The following MERTK variants were observed in gnomAD, a reference collection of about 807,000 sequenced individuals.
MERTK encodes the protein tyrosine-protein kinase Mer.
A neutral mutation model predicts 99.3 loss-of-function variants in MERTK; 69 were observed. The observed-to-expected ratio is 0.70, with a 90% confidence interval of 0.57 to 0.85. MERTK has a LOEUF of 0.85. Ranked by LOEUF, MERTK falls within the 40% of genes least tolerant of loss-of-function variation. The pLI is 0.00. For synonymous variants in MERTK, 426 were observed against 467.6 expected (o/e 0.91, Z 1.15); for missense variants, 1,125 against 1,249.4 (o/e 0.90, Z 1.50).
At chr2:111,959,557 T>C (rs1286140013) in intron 4 of MERTK, among the ~76,000 whole-genome samples, 1 of 152,112 alleles carries the variant, frequency 6.6e-6, no homozygotes, top group Admixed American at 6.5e-5. Context: ...CACTGTAGCC[T>C]CAACCTCCTA....
At chr2:111,965,161 G>C (rs1256737775) in intron 4 of MERTK, 30 bp from the exon 5 acceptor site, 1 of 1,594,966 alleles carries the variant, frequency 6.3e-7, no homozygotes, top group Non-Finnish European at 8.6e-7. Context: ...TTTCTCTGCT[G>C]CTGGTCTCAT....
intron 6 of MERTK, among the ~76,000 whole-genome samples, chr2:111,974,536 A>G (rs1490987269): frequency 6.6e-6 from 1 of 152,134 alleles, no homozygotes; most frequent in Non-Finnish European, 1.5e-5. Flanking sequence ...TTGGAAGTCC[A>G]AGGCAGGTGG....
chr2:111,929,931 A>G (rs1684640607), intron 2 of MERTK, among the ~76,000 whole-genome samples: 1 of 152,102 alleles, frequency 6.6e-6, no homozygotes, highest in South Asian at 2.1e-4. Flanking sequence ...TCATTATGCT[A>G]ATGCTGCCTC....
At chr2:112,000,504 G>C (rs1043150337) in intron 10 of MERTK, among the ~76,000 whole-genome samples, 1 of 152,158 alleles carries the variant, frequency 6.6e-6, no homozygotes, top group Non-Finnish European at 1.5e-5. Flanking sequence ...TGTTTTGTAG[G>C]ATGCCCCTCT....
chr2:112,008,581 C>T, intron 14 of MERTK, 106 bp downstream of exon 14: 1 of 837,882 alleles, frequency 1.2e-6, no homozygotes, highest in Non-Finnish European at 2.1e-6. Flanking sequence ...TTCGTATAAC[C>T]CCAACATAAC....
Position 111,929,124 on chromosome 2 carries a change from C to T in MERTK, c.66C>T (p.Ile22=). 6.2e-7 allele frequency: 1 copy of T among 1,614,192 alleles called. No individual in the cohort carries two copies. The highest frequency in any genetic ancestry group is 8.5e-7 in the Non-Finnish European group (1 of 1,180,032). Residue 22 remains isoleucine (I), a synonymous_variant, in exon 2 of 19, where the codon ATC becomes ATT. Coordinates refer to ENST00000295408, the MANE Select transcript of MERTK (RefSeq NM_006343.3). ...LFLPALWRRA[I]TEAREEAKPY... is the part of the protein sequence containing the mutation. ...TTTGGATGTTCTGTTTTACAGCTAT[C>T]ACTGAGGCAAGGGAAGAAGCCAAGC...
chr2:111,905,433 CTTTT>C (rs61232340), intron 1 of MERTK, among the ~76,000 whole-genome samples: 1 of 85,276 alleles, frequency 1.2e-5, no homozygotes. Flanking sequence ...CTACACTGTT[CTTTT>C]TTTTTTTTTT....
intron 9 of MERTK, among the ~76,000 whole-genome samples, chr2:111,995,766 A>G (rs780425382): frequency 6.1e-4 from 93 of 152,242 alleles, no homozygotes; most frequent in Admixed American, 1.8e-3. Flanking sequence ...CCTAGCCAAC[A>G]TGGTGAAACC....
chr2:111,920,120 G>A (rs1684427177), intron 1 of MERTK, among the ~76,000 whole-genome samples: 1 of 152,174 alleles, frequency 6.6e-6, no homozygotes, highest in South Asian at 2.1e-4. Context: ...TAAATCCGGG[G>A]TGTTCCCATA....
intron 2 of MERTK, among the ~76,000 whole-genome samples, chr2:111,944,303 CAAAAAAAA>C (rs776451722): frequency 4.4e-5 from 3 of 68,082 alleles, no homozygotes; most frequent in African/African-American, 1.6e-4. Context: ...GAATCTGTCT[CAAAAAAAA>C]AAAAAAAAAA....
At chr2:111,917,078 G>C (rs1684364735) in intron 1 of MERTK, among the ~76,000 whole-genome samples, 1 of 152,184 alleles carries the variant, frequency 6.6e-6, no homozygotes, top group Non-Finnish European at 1.5e-5. Flanking sequence ...AGAGTAGGGG[G>C]AAGGATGGCC....
chr2:111,914,834 A>G (rs1684320702), intron 1 of MERTK, among the ~76,000 whole-genome samples: 1 of 152,116 alleles, frequency 6.6e-6, no homozygotes, highest in African/African-American at 2.4e-5. Context: ...GTTTATATTC[A>G]TGAAGAATGT....
intron 18 of MERTK, among the ~76,000 whole-genome samples, chr2:112,025,841 C>T (rs1677450137): frequency 6.6e-6 from 1 of 152,176 alleles, no homozygotes; most frequent in Non-Finnish European, 1.5e-5. Context: ...CCAGTGCGTA[C>T]AGCTCAGTGG....
At position 111,921,154 on chromosome 2, in the gene MERTK, TG is replaced by T. The variant is rs556011991; in HGVS notation, c.62-7961del. Among the ~76,000 whole-genome samples, 22 of 151,776 alleles carry T rather than the reference TG, an allele frequency of 1.4e-4. No individual in the cohort carries two copies. In the South Asian group the frequency reaches 4.6e-3, roughly 32 times the overall value. ...TGGTGTGTGCACACAGAATGTGGGGTGGGGGCACTGGTCTAGGTTCTGCGTT... is the reference window on the plus strand; with the variant it reads ...TGGTGTGTGCACACAGAATGTGGGGTGGGGCACTGGTCTAGGTTCTGCGTT... On this transcript the variant is annotated intron_variant, in intron 1 of 18. Coordinates refer to ENST00000295408, the MANE Select transcript of MERTK (RefSeq NM_006343.3).
intron 1 of MERTK, among the ~76,000 whole-genome samples, chr2:111,914,665 ATT>A (rs1684317020): frequency 6.6e-6 from 1 of 151,908 alleles, no homozygotes; most frequent in South Asian, 2.1e-4. Flanking sequence ...TGTGATTTTT[ATT>A]TTTTTAGTCT....
At chr2:111,971,124 C>T (rs1676111328) in intron 6 of MERTK, among the ~76,000 whole-genome samples, 1 of 151,902 alleles carries the variant, frequency 6.6e-6, no homozygotes, top group Admixed American at 6.6e-5. Context: ...CATAGTATTC[C>T]ATTATAACCT....
intron 1 of MERTK, among the ~76,000 whole-genome samples, chr2:111,921,851 CCAAAGTGCTGGGAGCCACCACG>C (rs779046339): frequency 3.4e-4 from 51 of 152,234 alleles, no homozygotes; most frequent in Middle Eastern, 3.4e-3. Context: ...CTTCGGCCTC[CCAAAGTGCTGGGAGCCACCACG>C]CCTAGCCTGG....
intron 2 of MERTK, chr2:111,940,899 A>G: frequency 1.6e-5 from 11 of 701,382 alleles, no homozygotes; most frequent in South Asian, 1.5e-4. Flanking sequence ...TTCTTAAATT[A>G]CCTCTGTCTT....
At chr2:111,947,280 C>G in intron 3 of MERTK, 114 bp from the exon 4 acceptor site, 1 of 625,460 alleles carries the variant, frequency 1.6e-6, no homozygotes, top group Non-Finnish European at 2.8e-6. Context: ...CCCCACCCGC[C>G]CCCCACAAAA....
Sources: gnomAD v4.1 joint callset for allele counts (sites outside exome capture counted in the v4.1 genomes callset) on GRCh38, gnomAD v4.1.1 for gene constraint, MANE v1.5 for transcripts, NCBI Gene and HGNC (gene_info 2026-07-23, HGNC 2026-07-21) for gene names.